The following PDE11A variants were observed in gnomAD, a reference collection of about 807,000 sequenced individuals.
The protein encoded by PDE11A is phosphodiesterase 11A, also known as dual 3',5'-cyclic-AMP and -GMP phosphodiesterase 11A.
PDE11A carries 100 observed loss-of-function variants against 100.5 expected under a neutral mutation model. The ratio of observed to expected loss-of-function variants is 1.00; its 90% CI spans 0.85 to 1.18. The LOEUF is 1.18. Ranked by LOEUF, PDE11A falls within the 50% of genes most tolerant of loss-of-function variation. PDE11A has a pLI of 0.00. For synonymous variants in PDE11A, 381 were observed against 420.8 expected (o/e 0.91, Z 1.16); for missense variants, 1,141 against 1,152.6 (o/e 0.99, Z 0.15).
chr2:177,925,750 A>G (rs1319379242), intron 2 of PDE11A, among the ~76,000 whole-genome samples: 1 of 152,248 alleles, frequency 6.6e-6, no homozygotes, highest in African/African-American at 2.4e-5. Context: ...CTTTTACATT[A>G]TGCAGTCTTT....
chr2:178,087,381 A>G (rs1234992414), intron 2 of PDE11A, among the ~76,000 whole-genome samples: 2 of 152,162 alleles, frequency 1.3e-5, no homozygotes, highest in African/African-American at 4.8e-5. Flanking sequence ...AATGTCGTAT[A>G]TATACACAAT....
intron 1 of PDE11A, among the ~76,000 whole-genome samples, chr2:178,017,705 A>G (rs544905348): frequency 6.6e-6 from 1 of 152,214 alleles, no homozygotes; most frequent in Admixed American, 6.5e-5. Flanking sequence ...TCACGCCTGT[A>G]ATCTCAGCAC....
intron 9 of PDE11A, among the ~76,000 whole-genome samples, chr2:177,780,050 T>C (rs1343387245): frequency 6.6e-6 from 1 of 152,190 alleles, no homozygotes; most frequent in Non-Finnish European, 1.5e-5. Flanking sequence ...AATATCCTTG[T>C]ACAGCTCCAC....
intron 15 of PDE11A, among the ~76,000 whole-genome samples, chr2:177,696,360 GA>G (rs1332103578): frequency 6.6e-6 from 1 of 152,162 alleles, no homozygotes; most frequent in South Asian, 2.1e-4. Context: ...CAGGAGCAAG[GA>G]GAAAAGAAAC....
chr2:178,064,402 A>G (rs1475023065), intron 1 of PDE11A, among the ~76,000 whole-genome samples: 1 of 152,198 alleles, frequency 6.6e-6, no homozygotes, highest in African/African-American at 2.4e-5. Context: ...AAACAGAATA[A>G]CTTGAAGAGA....
At chr2:177,768,734 G>A (rs961161754) in intron 10 of PDE11A, among the ~76,000 whole-genome samples, 4 of 152,174 alleles carry the variant, frequency 2.6e-5, no homozygotes, top group African/African-American at 9.7e-5. Flanking sequence ...CGGTAGTGAA[G>A]CATGGTGGTT....
At chr2:177,918,507 C>A (rs965557953) in intron 2 of PDE11A, among the ~76,000 whole-genome samples, 3 of 152,020 alleles carry the variant, frequency 2.0e-5, no homozygotes, top group Non-Finnish European at 4.4e-5. Flanking sequence ...AGAAAACAAC[C>A]ATTAGAATTG....
intron 1 of PDE11A, among the ~76,000 whole-genome samples, chr2:178,055,016 T>C (rs2086880599): frequency 6.6e-6 from 1 of 152,216 alleles, no homozygotes; most frequent in Admixed American, 6.5e-5. Flanking sequence ...CAAAGGATTA[T>C]AAATCATGCT....
intron 12 of PDE11A, among the ~76,000 whole-genome samples, chr2:177,724,895 C>CTTA (rs1423864482): frequency 6.6e-6 from 1 of 152,044 alleles, no homozygotes; most frequent in Non-Finnish European, 1.5e-5. Context: ...GCTGTGCTTT[C>CTTA]TTAGCCTTAT....
chr2:177,690,144 G>C (rs2081021466), intron 15 of PDE11A, among the ~76,000 whole-genome samples: 1 of 152,078 alleles, frequency 6.6e-6, no homozygotes, highest in African/African-American at 2.4e-5. Flanking sequence ...TATGGAATGA[G>C]TATATGGAAA....
chr2:177,935,074 A>C (rs545622886), intron 2 of PDE11A, among the ~76,000 whole-genome samples: 1 of 152,302 alleles, frequency 6.6e-6, no homozygotes, highest in Non-Finnish European at 1.5e-5. Flanking sequence ...CCAGGTAACA[A>C]AACTGGACAT....
At chr2:178,046,723 C>G (rs1273901597) in intron 1 of PDE11A, among the ~76,000 whole-genome samples, 1 of 152,112 alleles carries the variant, frequency 6.6e-6, no homozygotes, top group Non-Finnish European at 1.5e-5. Context: ...TGTAGATTCT[C>G]TTTACTCTTC....
chr2:177,899,158 A>G (rs1208489899), intron 3 of PDE11A, among the ~76,000 whole-genome samples: 2 of 152,232 alleles, frequency 1.3e-5, no homozygotes, highest in African/African-American at 4.8e-5. Flanking sequence ...CTATAATCCC[A>G]GCACTTTGGG....
At chr2:177,916,927 ATTTTTTTT>A (rs1183483256) in intron 2 of PDE11A, among the ~76,000 whole-genome samples, 49 of 105,308 alleles carry the variant, frequency 4.7e-4, no homozygotes, top group Admixed American at 8.2e-4. Context: ...CGCCCGGCTA[ATTTTTTTT>A]TTTTTTTTTT....
At chr2:177,761,078 G>A (rs892214614) in intron 10 of PDE11A, among the ~76,000 whole-genome samples, 2 of 152,202 alleles carry the variant, frequency 1.3e-5, no homozygotes, top group Non-Finnish European at 2.9e-5. Context: ...GAGGATACAT[G>A]AATGAAGAAA....
At chr2:178,032,447 G>C (rs960890849) in intron 1 of PDE11A, among the ~76,000 whole-genome samples, 1 of 149,574 alleles carries the variant, frequency 6.7e-6, no homozygotes, top group Admixed American at 6.7e-5. Context: ...TCGCATCACC[G>C]CACTCTAGCC....
At chr2:177,947,923 T>C (rs1454347513) in intron 2 of PDE11A, among the ~76,000 whole-genome samples, 2 of 152,090 alleles carry the variant, frequency 1.3e-5, no homozygotes, top group African/African-American at 4.8e-5. Flanking sequence ...CCTTCAGCGA[T>C]AGCCCTCCAT....
chr2:177,631,573 GTA>G (rs201208314), intron 19 of PDE11A, among the ~76,000 whole-genome samples: 3 of 19,734 alleles, frequency 1.5e-4, no homozygotes, highest in Non-Finnish European at 2.1e-4. Flanking sequence ...ATATATACAT[GTA>G]TATATATATA....
At chr2:177,726,534 T>C (rs887034404) in intron 12 of PDE11A, among the ~76,000 whole-genome samples, 3 of 151,890 alleles carry the variant, frequency 2.0e-5, no homozygotes, top group Non-Finnish European at 4.4e-5. Flanking sequence ...TTGTACTAGA[T>C]ACAGTACAGG....
Sources: allele counts gnomAD v4.1 joint callset (sites outside exome capture counted in the v4.1 genomes callset), GRCh38; gene constraint gnomAD v4.1.1; transcripts MANE v1.5; gene names NCBI Gene and HGNC (gene_info 2026-07-23, HGNC 2026-07-21).